Variants in PRKAR2B observed in about 807,000 individuals in gnomAD.
PRKAR2B encodes cAMP-dependent protein kinase type II-beta regulatory subunit.
PRKAR2B carries 14 observed loss-of-function variants against 49.9 expected under a neutral mutation model. That is an observed-to-expected ratio of 0.28 (90% CI 0.19 to 0.44). The LOEUF is 0.44. Among genes scored for constraint, PRKAR2B ranks in the 20% least tolerant of loss-of-function variants. The probability of loss-of-function intolerance (pLI) is 1.00; values close to 1 mark genes in which losing one functional copy is unlikely to be tolerated. For synonymous variants in PRKAR2B, 196 were observed against 197.7 expected, an observed-to-expected ratio of 0.99 and a Z score of 0.07; for missense variants, 393 against 537.9, an observed-to-expected ratio of 0.73 and a Z score of 2.67.
intron 5 of PRKAR2B, among the ~76,000 whole-genome samples, chr7:107,142,983 G>C (rs767698718): frequency 6.6e-6 from 1 of 152,074 alleles, no homozygotes; most frequent in African/African-American, 2.4e-5. Flanking sequence ...GGCTGGTCTC[G>C]AACTCCTGCC....
At chr7:107,114,418 G>A (rs1795232664) in intron 2 of PRKAR2B, among the ~76,000 whole-genome samples, 1 of 150,940 alleles carries the variant, frequency 6.6e-6, no homozygotes, top group South Asian at 2.1e-4. Flanking sequence ...CTGGAGTGCA[G>A]TGGCACCATC....
chr7:107,090,177 T>A (rs1794710691), intron 2 of PRKAR2B, among the ~76,000 whole-genome samples: 2 of 152,092 alleles, frequency 1.3e-5, no homozygotes, highest in Admixed American at 1.3e-4. Flanking sequence ...ACAGCAAGGG[T>A]AGGGGTGCAG....
intron 2 of PRKAR2B, among the ~76,000 whole-genome samples, chr7:107,097,844 C>G (rs1384020672): frequency 2.6e-5 from 4 of 152,128 alleles, no homozygotes; most frequent in Non-Finnish European, 5.9e-5. Flanking sequence ...GGCCCCCATT[C>G]TCTTCTGGCT....
At position 107,045,788 on chromosome 7, in the gene PRKAR2B, T is replaced by C. The variant is rs1166487672; in HGVS notation, c.307+574T>C. Among the ~76,000 whole-genome samples, 4 of 152,212 alleles carry C rather than the reference T, an allele frequency of 2.6e-5. 1 individual carries two copies. In the South Asian group the frequency reaches 8.3e-4, roughly 32 times the overall value. ...TCTTGGAAATAAGAGTTATCTATTA[T>C]TTTCCAATTTACCAATACCGTGTTG... On this transcript the variant is annotated intron_variant, in intron 1 of 10. Coordinates refer to ENST00000265717, the MANE Select transcript of PRKAR2B (RefSeq NM_002736.3).
chr7:107,110,782 G>A (rs1161198940), intron 2 of PRKAR2B, among the ~76,000 whole-genome samples: 1 of 152,154 alleles, frequency 6.6e-6, no homozygotes, highest in Non-Finnish European at 1.5e-5. Flanking sequence ...GTAGTACACT[G>A]TGGACCTTGG....
chr7:107,125,143 A>G lies in PRKAR2B; in HGVS notation c.397-3069A>G, dbSNP rs73723713. On this transcript the variant is annotated intron_variant, in intron 3 of 10. Coordinates refer to ENST00000265717, the MANE Select transcript of PRKAR2B (RefSeq NM_002736.3). ...CTTAGCCTAGAGGCCATACATACAA[A>G]AACAGCTTTGCCTGCAGGTGTAGTT... Among the ~76,000 whole-genome samples the G allele has an allele frequency of 3.6e-3, 543 of 152,308 alleles. 4 individuals carry two copies. Among genetic ancestry groups the G allele is most frequent in the African/African-American group, 0.012 (516 of 41,572 alleles).
At chr7:107,145,733 ATTTTTTTTT>A (rs916332834) in intron 5 of PRKAR2B, among the ~76,000 whole-genome samples, 4 of 93,438 alleles carry the variant, frequency 4.3e-5, no homozygotes, top group Admixed American at 1.2e-4. Flanking sequence ...TCTTCAGATG[ATTTTTTTTT>A]TTTTTTTTTT....
chr7:107,118,915 A>G (rs772427986), intron 2 of PRKAR2B, among the ~76,000 whole-genome samples: 2 of 152,212 alleles, frequency 1.3e-5, no homozygotes, highest in African/African-American at 2.4e-5. Flanking sequence ...TAATGTAGTG[A>G]AACAATTGCA....
intron 2 of PRKAR2B, among the ~76,000 whole-genome samples, chr7:107,121,038 T>C (rs935478075): frequency 6.6e-6 from 1 of 150,864 alleles, no homozygotes; most frequent in Non-Finnish European, 1.5e-5. Flanking sequence ...TTTTAAAAAA[T>C]TTTAAATTAT....
At chr7:107,079,067 C>T (rs929668847) in intron 2 of PRKAR2B, among the ~76,000 whole-genome samples, 4 of 152,032 alleles carry the variant, frequency 2.6e-5, no homozygotes, top group African/African-American at 7.3e-5. Flanking sequence ...GGAAAGGGGT[C>T]GGGGAGTTAG....
chr7:107,102,834 C>T (rs1202936969), intron 2 of PRKAR2B, among the ~76,000 whole-genome samples: 1 of 152,060 alleles, frequency 6.6e-6, no homozygotes, highest in East Asian at 1.9e-4. Flanking sequence ...CCATGCCTAG[C>T]TAATTTTTGT....
chr7:107,150,193 T>C (rs1486908375), intron 6 of PRKAR2B, among the ~76,000 whole-genome samples: 1 of 152,102 alleles, frequency 6.6e-6, no homozygotes, highest in Non-Finnish European at 1.5e-5. Context: ...AGGAAAATAA[T>C]GTTTTGAGCT....
chr7:107,121,413 C>T (rs890375887), intron 2 of PRKAR2B, among the ~76,000 whole-genome samples: 15 of 152,184 alleles, frequency 9.9e-5, no homozygotes, highest in Non-Finnish European at 1.8e-4. Context: ...ATGCAAAATT[C>T]TTACAGTGTT....
intron 2 of PRKAR2B, among the ~76,000 whole-genome samples, chr7:107,072,474 T>G (rs945743979): frequency 1.3e-4 from 20 of 152,170 alleles, no homozygotes; most frequent in African/African-American, 4.6e-4. Flanking sequence ...ATAAAATTAT[T>G]TAATACTTTG....
chr7:107,070,765 G>C (rs1268281984), intron 2 of PRKAR2B, among the ~76,000 whole-genome samples: 1 of 152,088 alleles, frequency 6.6e-6, no homozygotes, highest in African/African-American at 2.4e-5. Flanking sequence ...TTTCATAAGA[G>C]GGTTTTTAAT....
chr7:107,126,560 G>A (rs989894577), intron 3 of PRKAR2B, among the ~76,000 whole-genome samples: 3 of 152,224 alleles, frequency 2.0e-5, no homozygotes, highest in Admixed American at 1.3e-4. Flanking sequence ...GTTGACCAGA[G>A]CGAAGCAGGT....
chr7:107,075,881 TAC>T (rs1354216736), intron 2 of PRKAR2B, among the ~76,000 whole-genome samples: 2 of 152,212 alleles, frequency 1.3e-5, no homozygotes, highest in East Asian at 3.9e-4. Flanking sequence ...TTATTGTTTA[TAC>T]ATTATAGGTT....
At chr7:107,122,069 C>A in intron 3 of PRKAR2B, 65 bp downstream of exon 3, 1 of 1,131,376 alleles carries the variant, frequency 8.8e-7, no homozygotes, top group Non-Finnish European at 1.3e-6. Flanking sequence ...GGAAAATAAT[C>A]ATAGAAAAGA....
At chr7:107,065,322 ATGTGTGTGTGTGTGTGTGTGTGTGTGTG>A (rs71134248) in intron 1 of PRKAR2B, among the ~76,000 whole-genome samples, 60 of 143,912 alleles carry the variant, frequency 4.2e-4, no homozygotes, top group South Asian at 1.4e-3. Context: ...GGGTGTGTGT[ATGTGTGTGTGTGTGTGTGTGTGTGTGTG>A]TGTGTGTGTG....
Sources: gnomAD v4.1 joint callset for allele counts (sites outside exome capture counted in the v4.1 genomes callset) on GRCh38, gnomAD v4.1.1 for gene constraint, MANE v1.5 for transcripts, NCBI Gene and HGNC (gene_info 2026-07-23, HGNC 2026-07-21) for gene names.